Variants in RBFOX1 observed in about 807,000 individuals in gnomAD.
RBFOX1 encodes RNA binding protein fox-1 homolog 1.
Under a neutral mutation model 57.7 loss-of-function variants are expected in RBFOX1, and 8 were observed. The observed-to-expected ratio is 0.14, with a 90% CI of 0.08 to 0.25. The LOEUF is 0.25. RBFOX1 is among the 10% of genes least tolerant of loss of function. The probability of loss-of-function intolerance (pLI) is 1.00; values close to 1 mark genes in which losing one functional copy is unlikely to be tolerated. For missense variants in RBFOX1, 611 were observed against 548.5 expected (o/e 1.11, Z -1.14); for synonymous variants, 326 against 222.4 (o/e 1.47, Z -4.15).
At chr16:7,228,450 A>G in intron 4 of RBFOX1, among the ~76,000 whole-genome samples, 1 of 152,208 alleles carries the variant, frequency 6.6e-6, no homozygotes, top group East Asian at 1.9e-4. Context: ...AGTACCTACT[A>G]TGTGGCTATT....
intron 1 of RBFOX1, among the ~76,000 whole-genome samples, chr16:5,295,510 C>T (rs1208893345): frequency 4.6e-5 from 7 of 152,122 alleles, no homozygotes; most frequent in Admixed American, 1.3e-4. Flanking sequence ...GGAGGCTTGA[C>T]GGGTGATTGA....
At chr16:7,651,429 C>G (rs760462952) in intron 11 of RBFOX1, among the ~76,000 whole-genome samples, 5 of 152,156 alleles carry the variant, frequency 3.3e-5, no homozygotes, top group Non-Finnish European at 5.9e-5. Context: ...CATGGTCACC[C>G]CGTCCAACCT....
At chr16:6,223,078 A>G (rs560504168) in intron 1 of RBFOX1, among the ~76,000 whole-genome samples, 45 of 147,768 alleles carry the variant, frequency 3.0e-4, no homozygotes, top group Middle Eastern at 3.4e-3. Flanking sequence ...TATGTGCCAC[A>G]TTTTCTTAAT....
At chr16:7,016,635 C>T (rs1449033478) in intron 3 of RBFOX1, among the ~76,000 whole-genome samples, 1 of 152,176 alleles carries the variant, frequency 6.6e-6, no homozygotes, top group Non-Finnish European at 1.5e-5. Flanking sequence ...TGGAAACAGG[C>T]GTGATACACG....
At chr16:6,699,668 C>T (rs571860579) in intron 3 of RBFOX1, among the ~76,000 whole-genome samples, 1 of 152,214 alleles carries the variant, frequency 6.6e-6, no homozygotes, top group Admixed American at 6.5e-5. Flanking sequence ...CTGCCCTGTT[C>T]TGATGATGGA....
At position 6,267,575 on chromosome 16, in the gene RBFOX1, T is replaced by A. The variant is rs1437381360; in HGVS notation, c.-126-49420T>A. On this transcript the variant is annotated intron_variant, in intron 1 of 15. Coordinates refer to ENST00000550418, the MANE Select transcript of RBFOX1 (RefSeq NM_018723.4). ...GAAGCTAGAGTCTTATCTGACAGAT[T>A]TCTTTTTTTACCATAAGTTTTTCTG... Among the ~76,000 whole-genome samples the A allele has an allele frequency of 2.0e-5, 3 of 152,166 alleles. No individual in the cohort carries two copies. In the East Asian group the frequency reaches 5.8e-4, roughly 29 times the overall value.
chr16:7,694,979 C>G (rs550712687), intron 14 of RBFOX1, among the ~76,000 whole-genome samples: 1 of 152,078 alleles, frequency 6.6e-6, no homozygotes, highest in Non-Finnish European at 1.5e-5. Context: ...GATTTTGCCC[C>G]GTGACTTAAA....
At chr16:6,427,807 C>T (rs973210764) in intron 2 of RBFOX1, among the ~76,000 whole-genome samples, 3 of 152,136 alleles carry the variant, frequency 2.0e-5, no homozygotes, top group Non-Finnish European at 2.9e-5. Context: ...CAGAGTATTG[C>T]ACAACCTCTG....
At chr16:5,924,857 G>A (rs1023213992) in intron 4 of RBFOX1, among the ~76,000 whole-genome samples, 1 of 152,116 alleles carries the variant, frequency 6.6e-6, no homozygotes, top group Non-Finnish European at 1.5e-5. Flanking sequence ...TGGGGCCCAG[G>A]GATTGGGGAG....
chr16:5,928,822 G>T lies in RBFOX1; in HGVS notation c.351+61487G>T, dbSNP rs547391937. Among the ~76,000 whole-genome samples, 11 of 152,140 alleles carry T rather than the reference G, an allele frequency of 7.2e-5. No homozygotes were observed. The South Asian group carries it at 2.1e-3, about 29-fold the overall frequency. ...TTCTTTCCCACCCTGGCTTTGGAAG[G>T]TTAGAAATCTTTTGTTTTTCCTACT... is the stretch of plus-strand genomic sequence containing the variant. On this transcript the variant is annotated intron_variant, in intron 4 of 19. Transcript: ENST00000641259.
intron 2 of RBFOX1, among the ~76,000 whole-genome samples, chr16:5,486,862 CT>C (rs2042645985): frequency 1.3e-5 from 2 of 151,942 alleles, no homozygotes; most frequent in Non-Finnish European, 2.9e-5. Flanking sequence ...CCTGAGACTC[CT>C]TTACTTGACC....
chr16:7,493,247 AGACT>A (rs1257273168), intron 4 of RBFOX1, among the ~76,000 whole-genome samples: 1 of 152,204 alleles, frequency 6.6e-6, no homozygotes, highest in African/African-American at 2.4e-5. Context: ...ACACTCAGTC[AGACT>A]GTCTACCTTT....
intron 3 of RBFOX1, among the ~76,000 whole-genome samples, chr16:6,684,506 C>G (rs1015737591): frequency 1.3e-5 from 2 of 152,182 alleles, no homozygotes; most frequent in African/African-American, 4.8e-5. Flanking sequence ...TCAGCTTGTG[C>G]CATCTTAGAA....
At chr16:6,022,247 C>T (rs1300267734) in intron 1 of RBFOX1, among the ~76,000 whole-genome samples, 1 of 65,164 alleles carries the variant, frequency 1.5e-5, no homozygotes. Context: ...ATTACCTTAG[C>T]AAATCTGTTT....
At chr16:5,792,321 C>T (rs1156544298) in intron 3 of RBFOX1, among the ~76,000 whole-genome samples, 1 of 152,154 alleles carries the variant, frequency 6.6e-6, no homozygotes, top group Non-Finnish European at 1.5e-5. Context: ...AACATCACAG[C>T]TACATATACA....
intron 1 of RBFOX1, among the ~76,000 whole-genome samples, chr16:6,196,875 A>G (rs931522467): frequency 2.0e-5 from 3 of 151,514 alleles, no homozygotes; most frequent in African/African-American, 4.9e-5. Flanking sequence ...CATTTTCTGC[A>G]TCGAGGTCAT....
intron 3 of RBFOX1, among the ~76,000 whole-genome samples, chr16:6,759,827 T>C (rs1328723214): frequency 6.6e-6 from 1 of 152,154 alleles, no homozygotes; most frequent in Non-Finnish European, 1.5e-5. Context: ...AGATTGTTTA[T>C]AATAGCAAGA....
At position 6,207,545 on chromosome 16, in the gene RBFOX1, G is replaced by A. The variant is rs141705445; in HGVS notation, c.-126-109450G>A. Among the ~76,000 whole-genome samples, 789 of 152,086 alleles carry A rather than the reference G, an allele frequency of 5.2e-3. 9 individuals are homozygous for A. The highest frequency in any genetic ancestry group is 0.018 in the African/African-American group (760 of 41,472). On this transcript the variant is annotated intron_variant, in intron 1 of 15. Coordinates refer to ENST00000550418, the MANE Select transcript of RBFOX1 (RefSeq NM_018723.4). ...AGAAGAAGAGATTCAAGGAGAACTC[G>A]GTTTCTAAAATTTTTCTCTTGGGCC...
At chr16:7,625,678 G>A (rs2059972646) in intron 10 of RBFOX1, among the ~76,000 whole-genome samples, 1 of 152,132 alleles carries the variant, frequency 6.6e-6, no homozygotes, top group Non-Finnish European at 1.5e-5. Context: ...TTTAAATTCA[G>A]AAATTATGTA....
Sources: allele counts gnomAD v4.1 joint callset (sites outside exome capture counted in the v4.1 genomes callset), GRCh38; gene constraint gnomAD v4.1.1; transcripts MANE v1.5; gene names NCBI Gene and HGNC (gene_info 2026-07-23, HGNC 2026-07-21).